Variants in UBE4B observed in about 807,000 individuals in gnomAD.
UBE4B encodes the protein ubiquitination factor E4B.
UBE4B carries 27 observed loss-of-function variants against 148.1 expected under a neutral mutation model. That is an observed-to-expected ratio of 0.18 (90% confidence interval 0.13 to 0.25). The LOEUF is 0.25. UBE4B is among the 10% of genes least tolerant of loss of function. UBE4B has a pLI of 1.00. For synonymous variants in UBE4B, 596 were observed against 619.3 expected, an observed-to-expected ratio of 0.96 and a Z score of 0.56; for missense variants, 1,170 against 1,662.4, an observed-to-expected ratio of 0.70 and a Z score of 5.15.
intron 7 of UBE4B, among the ~76,000 whole-genome samples, chr1:10,109,643 A>G (rs1645184751): frequency 6.6e-6 from 1 of 152,130 alleles, no homozygotes; most frequent in Non-Finnish European, 1.5e-5. Context: ...TGAGCTAGCA[A>G]AAAACCTTGT....
chr1:10,063,732 AC>A (rs1318931552), intron 1 of UBE4B, among the ~76,000 whole-genome samples: 2 of 151,912 alleles, frequency 1.3e-5, no homozygotes, highest in Non-Finnish European at 2.9e-5. Context: ...ACATGGTGAA[AC>A]CCCGTCTCTA....
intron 19 of UBE4B, 132 bp from the exon 20 acceptor site, chr1:10,149,052 A>G (rs1645928751): frequency 3.4e-6 from 2 of 584,906 alleles, no homozygotes; most frequent in African/African-American, 3.8e-5. Context: ...TTGCCTACAT[A>G]TTTATTACAT....
intron 7 of UBE4B, among the ~76,000 whole-genome samples, chr1:10,111,044 GACACACAC>G (rs55936075): frequency 0.026 from 2,987 of 113,412 alleles, 111 homozygotes; most frequent in African/African-American, 0.086. Flanking sequence ...CTCTGTCTCT[GACACACAC>G]ACACACACAC....
chr1:10,140,653 C>A (rs531767287), intron 17 of UBE4B, among the ~76,000 whole-genome samples: 1 of 152,186 alleles, frequency 6.6e-6, no homozygotes, highest in Non-Finnish European at 1.5e-5. Flanking sequence ...CATCTAGAAC[C>A]TTTGCTCCTG....
At chr1:10,070,895 A>G (rs1644472892) in intron 1 of UBE4B, among the ~76,000 whole-genome samples, 1 of 152,126 alleles carries the variant, frequency 6.6e-6, no homozygotes, top group Admixed American at 6.6e-5. Flanking sequence ...TGTTTTAGTG[A>G]ATTAAATTGG....
Position 10,130,457 on chromosome 1 carries a change from G to A in UBE4B, c.1696-43G>A, listed in dbSNP as rs201127396. On this transcript the variant is annotated intron_variant, in intron 12 of 27. Coordinates refer to ENST00000343090, the MANE Select transcript of UBE4B (RefSeq NM_001105562.3). The stretch of plus-strand genomic sequence containing the variant: ...GTTTTCATTACATTTTTACCCCACC[G>A]GCCTGTTCAGCGGCTTGACTGGCTC... 53 of 1,510,938 alleles carry A rather than the reference G, an allele frequency of 3.5e-5. No homozygotes were observed. Among genetic ancestry groups the A allele is most frequent in the South Asian group, 4.5e-5 (4 of 88,764 alleles). The allele number at this position is 1,510,938 out of a possible 1,614,324, so 93.6% of individuals were successfully genotyped here. A position where few individuals can be genotyped will look rare whatever the true frequency, so the allele number is the denominator to read the frequency against.
At chr1:10,045,101 A>G (rs1228358981) in intron 1 of UBE4B, among the ~76,000 whole-genome samples, 6 of 152,176 alleles carry the variant, frequency 3.9e-5, no homozygotes, top group African/African-American at 1.4e-4. Flanking sequence ...TGTAGGGTTC[A>G]TGCTCCCATT....
chr1:10,163,279 A>C (rs1240760812), intron 23 of UBE4B: 1 of 152,200 alleles, frequency 6.6e-6, no homozygotes, highest in Non-Finnish European at 1.5e-5. Context: ...TGCTTGCTTC[A>C]GCAGCACGTA....
At position 10,106,272 on chromosome 1, in the gene UBE4B, A is replaced by G. The variant is rs1353550740; in HGVS notation, c.885A>G (p.Ser295=). The G allele has an allele frequency of 6.2e-7, 1 of 1,613,548 alleles. No homozygotes were observed. Among genetic ancestry groups the G allele is most frequent in the East Asian group, 2.2e-5 (1 of 44,852 alleles). Residue 295 remains serine, a synonymous_variant, in exon 7 of 28, where the codon TCA becomes TCG. Coordinates refer to ENST00000343090, the MANE Select transcript of UBE4B (RefSeq NM_001105562.3). This position sits in a 1 kb window ranked among gnomAD's most constrained non-coding sequence, Gnocchi z 4.2. The stretch of plus-strand genomic sequence containing the variant: ...CCGTGATGGGCCCGTCTCTTGCCTC[A>G]CCTTCCCGTGCAGCCAGCCAGTTGG... ...SVPVMGPSLA[S]PSRAASQLAV...
intron 24 of UBE4B, among the ~76,000 whole-genome samples, chr1:10,169,279 G>A (rs553772496): frequency 1.3e-5 from 2 of 152,266 alleles, no homozygotes; most frequent in East Asian, 3.9e-4. Flanking sequence ...GTGGAGACAT[G>A]TTTACTTTAC....
At chr1:10,173,127 A>G (rs1286657593) in intron 25 of UBE4B, among the ~76,000 whole-genome samples, 2 of 152,204 alleles carry the variant, frequency 1.3e-5, no homozygotes, top group African/African-American at 4.8e-5. Context: ...CAGTTTTATC[A>G]TACAAAGTAG....
intron 1 of UBE4B, among the ~76,000 whole-genome samples, chr1:10,050,971 C>G (rs1644028649): frequency 6.6e-6 from 1 of 152,106 alleles, no homozygotes; most frequent in African/African-American, 2.4e-5. Flanking sequence ...TATCAGAGTT[C>G]TAATTCAGAG....
intron 2 of UBE4B, among the ~76,000 whole-genome samples, chr1:10,082,603 A>C (rs1267628192): frequency 1.3e-5 from 2 of 151,408 alleles, no homozygotes; most frequent in African/African-American, 4.9e-5. Flanking sequence ...GTGTGTACAT[A>C]ATCACTGTAG....
At chr1:10,060,895 C>A (rs1644271788) in intron 1 of UBE4B, among the ~76,000 whole-genome samples, 2 of 152,086 alleles carry the variant, frequency 1.3e-5, no homozygotes, top group Admixed American at 6.6e-5. Flanking sequence ...AGGCACGTGC[C>A]ACCATGCCCA....
chr1:10,140,547 A>G (rs1645767127), intron 17 of UBE4B, among the ~76,000 whole-genome samples: 1 of 152,332 alleles, frequency 6.6e-6, no homozygotes, highest in South Asian at 2.1e-4. Context: ...AATTCAAACT[A>G]TGATTGTGGA....
chr1:10,065,708 G>A (rs1188209647), intron 1 of UBE4B, among the ~76,000 whole-genome samples: 1 of 152,054 alleles, frequency 6.6e-6, no homozygotes, highest in African/African-American at 2.4e-5. Context: ...GTTTTCCCAC[G>A]GTAGATGTAG....
intron 3 of UBE4B, among the ~76,000 whole-genome samples, 169 bp downstream of exon 3, chr1:10,095,765 T>C (rs916081141): frequency 6.6e-6 from 1 of 152,176 alleles, no homozygotes; most frequent in African/African-American, 2.4e-5. Context: ...TATTCAGAAA[T>C]ATTCTTCATA....
chr1:10,046,454 A>G (rs1157805458), intron 1 of UBE4B, among the ~76,000 whole-genome samples: 1 of 152,128 alleles, frequency 6.6e-6, no homozygotes, highest in Non-Finnish European at 1.5e-5. Context: ...GGTTAGGATA[A>G]TGGAAGTAGA....
intron 2 of UBE4B, among the ~76,000 whole-genome samples, chr1:10,085,820 C>T (rs1318316644): frequency 2.6e-5 from 4 of 151,976 alleles, no homozygotes; most frequent in South Asian, 2.1e-4. Flanking sequence ...GACAGAGTCT[C>T]GCCCTGTTCC....
Sources: allele counts gnomAD v4.1 joint callset (sites outside exome capture counted in the v4.1 genomes callset), GRCh38; gene constraint gnomAD v4.1.1; non-coding constraint Gnocchi (gnomAD v3.1); transcripts MANE v1.5; gene names NCBI Gene and HGNC (gene_info 2026-07-23, HGNC 2026-07-21).